Variants in PALM2AKAP2 observed in about 807,000 individuals in gnomAD.
The protein encoded by PALM2AKAP2 is PALM2 and AKAP2 fusion.
Under a neutral mutation model 71.5 loss-of-function variants are expected in PALM2AKAP2, and 37 were observed. The observed-to-expected ratio is 0.52, with a 90% confidence interval of 0.40 to 0.68. The LOEUF is 0.68. PALM2AKAP2 is among the 30% of genes least tolerant of loss of function. PALM2AKAP2 has a pLI of 0.00. For synonymous variants in PALM2AKAP2, 468 were observed against 478.8 expected (o/e 0.98, Z 0.29); for missense variants, 1,224 against 1,191.8 (o/e 1.03, Z -0.40).
At chr9:110,035,674 TTATATATAACA>T (rs1833386828) in intron 7 of PALM2AKAP2, among the ~76,000 whole-genome samples, 1 of 124,304 alleles carries the variant, frequency 8.0e-6, no homozygotes, top group African/African-American at 3.3e-5. Flanking sequence ...ATGTTGTGTG[TTATATATAACA>T]TATATAGGAT....
chr9:109,680,829 TTTG>T (rs1332492341), intron 1 of PALM2AKAP2, among the ~76,000 whole-genome samples: 2 of 152,292 alleles, frequency 1.3e-5, no homozygotes, highest in South Asian at 2.1e-4. Flanking sequence ...CCTCCTGAGG[TTTG>T]TTATCTACAA....
At chr9:109,760,067 C>A (rs748527111) in intron 1 of PALM2AKAP2, among the ~76,000 whole-genome samples, 8 of 152,166 alleles carry the variant, frequency 5.3e-5, no homozygotes, top group Non-Finnish European at 1.2e-4. Flanking sequence ...CCTCTTCACC[C>A]TCAGCCCCTA....
intron 1 of PALM2AKAP2, among the ~76,000 whole-genome samples, chr9:109,676,019 A>C (rs1281767142): frequency 6.6e-6 from 1 of 152,186 alleles, no homozygotes; most frequent in African/African-American, 2.4e-5. Context: ...AACATCCCAA[A>C]TTGAGACAAA....
At chr9:110,037,676 G>A (rs1833438214) in intron 7 of PALM2AKAP2, among the ~76,000 whole-genome samples, 1 of 152,200 alleles carries the variant, frequency 6.6e-6, no homozygotes, top group African/African-American at 2.4e-5. Context: ...TAATGCTCTG[G>A]AGAAAAATCA....
intron 1 of PALM2AKAP2, among the ~76,000 whole-genome samples, chr9:110,091,093 G>A (rs1834695552): frequency 6.6e-6 from 1 of 152,070 alleles, no homozygotes; most frequent in South Asian, 2.1e-4. Context: ...CGGGCACTTG[G>A]CACTTTGCAG....
At chr9:110,011,014 A>AAAAAAAATATATATAT (rs35212981) in intron 6 of PALM2AKAP2, among the ~76,000 whole-genome samples, 5 of 69,586 alleles carry the variant, frequency 7.2e-5, no homozygotes, top group African/African-American at 3.1e-4. Flanking sequence ...AAAAAAAAAA[A>AAAAAAAATATATATAT]ATATATATAT....
intron 1 of PALM2AKAP2, among the ~76,000 whole-genome samples, chr9:109,782,222 T>C (rs1245672286): frequency 6.6e-6 from 1 of 152,196 alleles, no homozygotes; most frequent in African/African-American, 2.4e-5. Context: ...CCAAGAAAGA[T>C]CTAGGCAAAT....
At chr9:109,755,462 C>T (rs78105600) in intron 1 of PALM2AKAP2, among the ~76,000 whole-genome samples, 409 of 152,152 alleles carry the variant, frequency 2.7e-3, no homozygotes, top group African/African-American at 9.6e-3. Flanking sequence ...CTTTGCATGG[C>T]GCACACCTTG....
intron 6 of PALM2AKAP2, chr9:109,944,898 T>C (rs2132053161): frequency 6.6e-6 from 1 of 152,298 alleles, no homozygotes; most frequent in East Asian, 1.9e-4. Context: ...TATCTTAACT[T>C]TAAGTTATTT....
intron 3 of PALM2AKAP2, among the ~76,000 whole-genome samples, chr9:109,897,495 C>T (rs747875882): frequency 1.2e-4 from 19 of 152,118 alleles, no homozygotes; most frequent in Middle Eastern, 3.4e-3. Flanking sequence ...CAGAGAATTG[C>T]GTGAACCCCG....
intron 6 of PALM2AKAP2, among the ~76,000 whole-genome samples, chr9:109,970,362 G>A (rs541186284): frequency 1.3e-5 from 2 of 152,174 alleles, no homozygotes; most frequent in Non-Finnish European, 2.9e-5. Flanking sequence ...CAACTGTGGA[G>A]GGACACGGAT....
intron 1 of PALM2AKAP2, among the ~76,000 whole-genome samples, chr9:109,809,229 A>G (rs1474631343): frequency 6.6e-6 from 1 of 152,158 alleles, no homozygotes; most frequent in Non-Finnish European, 1.5e-5. Flanking sequence ...GCAACTAGAA[A>G]TGCCACAGAC....
intron 6 of PALM2AKAP2, among the ~76,000 whole-genome samples, chr9:109,991,114 TG>T (rs1308048395): frequency 6.6e-6 from 1 of 152,174 alleles, no homozygotes; most frequent in Non-Finnish European, 1.5e-5. Context: ...TCTGCCTCCC[TG>T]GTTGGGAAGG....
At chr9:110,014,930 A>G (rs892000428) in intron 6 of PALM2AKAP2, among the ~76,000 whole-genome samples, 9 of 146,216 alleles carry the variant, frequency 6.2e-5, no homozygotes, top group Admixed American at 5.6e-4. Flanking sequence ...CACGTACATA[A>G]CTGCATCTGA....
chr9:109,720,815 G>C (rs115315585), intron 1 of PALM2AKAP2, among the ~76,000 whole-genome samples: 1 of 152,190 alleles, frequency 6.6e-6, no homozygotes, highest in Non-Finnish European at 1.5e-5. Context: ...ATTCACAGTG[G>C]ATGCATTGAT....
At chr9:110,053,754 T>A (rs1833768749) in intron 1 of PALM2AKAP2, among the ~76,000 whole-genome samples, 1 of 151,986 alleles carries the variant, frequency 6.6e-6, no homozygotes, top group Non-Finnish European at 1.5e-5. Flanking sequence ...TGAGTAGGTT[T>A]GAGGGGTTGG....
chr9:110,106,817 T>C (rs1243946266), intron 1 of PALM2AKAP2, among the ~76,000 whole-genome samples: 2 of 152,222 alleles, frequency 1.3e-5, no homozygotes, highest in African/African-American at 4.8e-5. Context: ...CCCAAACAAA[T>C]GGCTTGTTTA....
intron 6 of PALM2AKAP2, among the ~76,000 whole-genome samples, chr9:109,992,629 A>G (rs1832505839): frequency 6.6e-6 from 1 of 152,162 alleles, no homozygotes; most frequent in Non-Finnish European, 1.5e-5. Context: ...AATTCAATCC[A>G]TAACAGGCTG....
intron 2 of PALM2AKAP2, among the ~76,000 whole-genome samples, chr9:110,150,301 A>G (rs143293442): frequency 0.011 from 1,645 of 152,332 alleles, 11 homozygotes; most frequent in Non-Finnish European, 0.019. Flanking sequence ...ATGGTATTTT[A>G]TGGCAGCTCA....
Sources: allele counts gnomAD v4.1 joint callset (sites outside exome capture counted in the v4.1 genomes callset), GRCh38; gene constraint gnomAD v4.1.1; transcripts MANE v1.5; gene names NCBI Gene and HGNC (gene_info 2026-07-23, HGNC 2026-07-21).